Variants in POFUT2 observed in about 807,000 individuals in gnomAD.
The protein encoded by POFUT2 is GDP-fucose protein O-fucosyltransferase 2.
In POFUT2, 30 loss-of-function variants were observed where a neutral mutation model predicts 55.0. That is an observed-to-expected ratio of 0.55 (90% CI 0.41 to 0.74). POFUT2 has a LOEUF of 0.74. POFUT2 is among the 30% of genes least tolerant of loss of function. The probability of loss-of-function intolerance (pLI) is 0.00; values close to 1 mark genes in which losing one functional copy is unlikely to be tolerated. For synonymous variants in POFUT2, 267 were observed against 231.1 expected (o/e 1.16, Z -1.41); for missense variants, 524 against 562.6 (o/e 0.93, Z 0.69).
In POFUT2 at chr21:45,285,431, G is replaced by C. The variant is rs1241143050; in HGVS notation, c.382+247C>G. The C allele has an allele frequency of 1.9e-6, 1 of 530,976 alleles. No individual in the cohort carries two copies. The highest frequency in any genetic ancestry group is 1.9e-5 in the African/African-American group (1 of 53,428). 32.9% of individuals were successfully genotyped at this position (530,976 alleles called of 1,614,324 possible). A position where few individuals can be genotyped will look rare whatever the true frequency, so the allele number is the denominator to read the frequency against. On this transcript the variant is annotated intron_variant, in intron 2 of 8. Transcript: ENST00000349485. The surrounding 1 kb of genome is among the most constrained non-coding windows in gnomAD (Gnocchi z 4.9). Reference sequence around the variant, plus strand: ...TGTAAGGGCGGCTCTAACTGAGGGGGCACAAAGCTCATCCACTTCAGGTCC... The same window carrying C: ...TGTAAGGGCGGCTCTAACTGAGGGGCCACAAAGCTCATCCACTTCAGGTCC...
Position 45,264,818 on chromosome 21 carries a change from A to ACTGAAAAACTTCCCAGTGCT in POFUT2, c.*644_*663dup, listed in dbSNP as rs2093139736. The ACTGAAAAACTTCCCAGTGCT allele has an allele frequency of 1.3e-5, 2 of 152,414 alleles. No homozygotes were observed. The highest frequency in any genetic ancestry group is 2.9e-5 in the Non-Finnish European group (2 of 68,212). The allele number at this position is 152,414 out of a possible 1,614,324, so 9.4% of individuals were successfully genotyped here. ...ATCCACTGAGTGCCCCAGAGACGTCACTGAAAAACTTCCCAGTGCTCTGAC... is the reference window on the plus strand; with the variant it reads ...ATCCACTGAGTGCCCCAGAGACGTCACTGAAAAACTTCCCAGTGCTCTGAAAAACTTCCCAGTGCTCTGAC... On this transcript the variant is annotated 3_prime_UTR_variant, in exon 9 of 9. Transcript: ENST00000349485.
chr21:45,268,617 G>A (rs1395902426), intron 7 of POFUT2, among the ~76,000 whole-genome samples: 1 of 151,276 alleles, frequency 6.6e-6, no homozygotes, highest in Non-Finnish European at 1.5e-5. Context: ...GAGATGTGGG[G>A]AGCGCCTCTG....
chr21:45,284,606 C>T lies in POFUT2; in HGVS notation c.382+1072G>A, dbSNP rs924308645. Among the ~76,000 whole-genome samples the T allele has an allele frequency of 6.6e-6, 1 of 152,220 alleles. No homozygotes were observed. The highest frequency in any genetic ancestry group is 6.5e-5 in the Admixed American group (1 of 15,278). ...CTGTCTTCCCAGACCTTCCCAAGCA[C>T]TTGGATGCCCAAGGCCCAGACCTGT... On this transcript the variant is annotated intron_variant, in intron 2 of 8. Coordinates refer to ENST00000349485, the MANE Select transcript of POFUT2 (RefSeq NM_133635.6). The surrounding 1 kb of genome is among the most constrained non-coding windows in gnomAD (Gnocchi z 5.8).
intron 7 of POFUT2, among the ~76,000 whole-genome samples, chr21:45,269,550 G>A (rs1438894698): frequency 1.3e-5 from 2 of 152,178 alleles, no homozygotes; most frequent in Non-Finnish European, 2.9e-5. Context: ...GATTAAGGGC[G>A]GTACAAGATG....
At chr21:45,276,982 C>T (rs368085503) in intron 6 of POFUT2, 35 bp downstream of exon 6, 1 of 1,610,028 alleles carries the variant, frequency 6.2e-7, no homozygotes, top group Non-Finnish European at 8.5e-7. Flanking sequence ...AGAGACTTTA[C>T]CTTTTCTCTA....
chr21:45,283,043 C>T (rs1271851462), intron 3 of POFUT2: 6 of 401,784 alleles, frequency 1.5e-5, no homozygotes, highest in Admixed American at 8.5e-5. Flanking sequence ...CAAAGGGGAA[C>T]CGCCTGTCAA....
intron 1 of POFUT2, among the ~76,000 whole-genome samples, chr21:45,286,693 CACAGACAAGTCCCCAAGGGCT>C (rs1485708237): frequency 2.3e-4 from 35 of 151,934 alleles, no homozygotes; most frequent in South Asian, 4.1e-4. Flanking sequence ...GTCCCCAAGG[CACAGACAAGTCCCCAAGGGCT>C]ACAGAAACCC....
In POFUT2 at chr21:45,282,201, C is replaced by A. The variant is rs566540421; in HGVS notation, c.638+148G>T. The A allele has an allele frequency of 1.3e-5, 8 of 626,342 alleles. No individual in the cohort carries two copies. The highest frequency in any genetic ancestry group is 2.0e-5 in the Non-Finnish European group (7 of 355,322). The allele number at this position is 626,342 out of a possible 1,614,324, so 38.8% of individuals were successfully genotyped here. A position where few individuals can be genotyped will look rare whatever the true frequency, so the allele number is the denominator to read the frequency against. On this transcript the variant is annotated intron_variant, in intron 4 of 8. Transcript: ENST00000349485. The surrounding 1 kb of genome is among the most constrained non-coding windows in gnomAD (Gnocchi z 4.6). ...GAGACACATGCAAGCACTTCCCTAA[C>A]CACCACCCCCCAGGGCCCCCAGGGT... is the stretch of plus-strand genomic sequence containing the variant.
chr21:45,265,915 C>A lies in POFUT2; in HGVS notation c.1137-280G>T. The A allele has an allele frequency of 8.5e-6, 11 of 1,296,880 alleles. No homozygotes were observed. The highest frequency in any genetic ancestry group is 9.9e-6 in the Non-Finnish European group (10 of 1,010,968). 80.3% of individuals were successfully genotyped at this position (1,296,880 alleles called of 1,614,324 possible). ...CCACGCTCCTGTCCCACCGCATGTC[C>A]CCCTGGGAGCCCTCCTCTCCGTCAC... On this transcript the variant is annotated intron_variant, in intron 8 of 8. Coordinates refer to ENST00000349485, the MANE Select transcript of POFUT2 (RefSeq NM_133635.6). This position sits in a 1 kb window ranked among gnomAD's most constrained non-coding sequence, Gnocchi z 4.6.
At chr21:45,276,700 G>C (rs1467487589) in intron 6 of POFUT2, among the ~76,000 whole-genome samples, 2 of 152,180 alleles carry the variant, frequency 1.3e-5, no homozygotes, top group African/African-American at 4.8e-5. Context: ...ACCACCTCGA[G>C]CTCCTGCTTC....
Position 45,287,797 on chromosome 21 carries a change from C to A in POFUT2, c.75G>T (p.Glu25Asp), listed in dbSNP as rs1297472917. 2 of 1,516,850 alleles carry A rather than the reference C, an allele frequency of 1.3e-6. No homozygotes were observed. The highest frequency in any genetic ancestry group is 1.8e-6 in the Non-Finnish European group (2 of 1,129,020). 94.0% of individuals were successfully genotyped at this position (1,516,850 alleles called of 1,614,324 possible). ...CGGCCGCCGATTGTCCGGGCCAGAA[C>A]TCCTGGCCGGAGGCAGAAGCCGGAG... Reference protein sequence around the residue: ...SWPPASASGQEFWPGQSAADI... With the variant: ...SWPPASASGQDFWPGQSAADI... The change falls in exon 1 of 9, where the codon GAG (glutamate) becomes GAT (aspartate). Residue 25 changes from glutamate to aspartate, a missense_variant. By Grantham distance (45) the Glu-to-Asp change is conservative (BLOSUM62 2). Around this residue, in one of 2 missense-constraint regions of POFUT2, gnomAD observed 274 missense variants for 244.4 expected, o/e 1.12. Coordinates refer to ENST00000349485, the MANE Select transcript of POFUT2 (RefSeq NM_133635.6).
In POFUT2 at chr21:45,282,212, C is replaced by T; in HGVS notation, c.638+137G>A. 1 of 643,190 alleles carries T rather than the reference C, an allele frequency of 1.6e-6. No homozygotes were observed. Among genetic ancestry groups the T allele is most frequent in the East Asian group, 2.7e-5 (1 of 37,402 alleles). The allele number at this position is 643,190 out of a possible 1,614,324, so 39.8% of individuals were successfully genotyped here. A position where few individuals can be genotyped will look rare whatever the true frequency, so the allele number is the denominator to read the frequency against. ...AAGCACTTCCCTAACCACCACCCCC[C>T]AGGGCCCCCAGGGTCCGCTGTCTGT... On this transcript the variant is annotated intron_variant, in intron 4 of 8. Transcript: ENST00000349485. The surrounding 1 kb of genome is among the most constrained non-coding windows in gnomAD (Gnocchi z 4.6).
In POFUT2 at chr21:45,286,163, G is replaced by T. The variant is rs529928981; in HGVS notation, c.132-235C>A. On this transcript the variant is annotated intron_variant, in intron 1 of 8. Transcript: ENST00000349485. ...CAATTAGCAATAGTTCAACACTAAG[G>T]CAGAGGAATCCCAGTGACTGGAACC... 5.9e-5 allele frequency among the ~76,000 whole-genome samples: 9 copies of T among 152,302 alleles called. No homozygotes were observed. The East Asian group carries it at 1.7e-3, about 29-fold the overall frequency.
At chr21:45,286,025 G>A (rs1405777873) in intron 1 of POFUT2, 97 bp from the exon 2 acceptor site, 1 of 1,087,104 alleles carries the variant, frequency 9.2e-7, no homozygotes, top group Non-Finnish European at 1.3e-6. Flanking sequence ...CCCGACTCTA[G>A]GCACTTAACA....
Position 45,282,590 on chromosome 21 carries a change from T to C in POFUT2, c.528-131A>G, listed in dbSNP as rs1602221993. Reference sequence around the variant, plus strand: ...CGGCTGCTTTAGGAAAACTTACTGATCGTGACTGCAGATCGTGACATTCTA... The same window carrying C: ...CGGCTGCTTTAGGAAAACTTACTGACCGTGACTGCAGATCGTGACATTCTA... On this transcript the variant is annotated intron_variant, in intron 3 of 8. Transcript: ENST00000349485. The surrounding 1 kb of genome is among the most constrained non-coding windows in gnomAD (Gnocchi z 4.6). 1.5e-6 allele frequency: 1 copy of C among 688,224 alleles called. No individual in the cohort carries two copies. The highest frequency in any genetic ancestry group is 2.7e-5 in the East Asian group (1 of 37,098). The allele number at this position is 688,224 out of a possible 1,614,324, so 42.6% of individuals were successfully genotyped here. A position where few individuals can be genotyped will look rare whatever the true frequency, so the allele number is the denominator to read the frequency against.
chr21:45,286,892 C>T (rs1409734548), intron 1 of POFUT2, among the ~76,000 whole-genome samples: 1 of 152,206 alleles, frequency 6.6e-6, no homozygotes. Context: ...AGCCACAGGG[C>T]GGCCGCGAAG....
intron 3 of POFUT2, 62 bp downstream of exon 3, chr21:45,283,320 GA>G (rs1421315156): frequency 5.2e-4 from 418 of 798,542 alleles, no homozygotes; most frequent in South Asian, 1.4e-3. Context: ...GGGGGGGGGG[GA>G]CGCATGCGGC....
At position 45,282,542 on chromosome 21, in the gene POFUT2, T is replaced by C. The variant is rs571073812; in HGVS notation, c.528-83A>G. 3 of 791,350 alleles carry C rather than the reference T, an allele frequency of 3.8e-6. No homozygotes were observed. The highest frequency in any genetic ancestry group is 1.7e-5 in the African/African-American group (1 of 58,518). 49.0% of individuals were successfully genotyped at this position (791,350 alleles called of 1,614,324 possible). A position where few individuals can be genotyped will look rare whatever the true frequency, so the allele number is the denominator to read the frequency against. ...AAATCAAGTCTAGACACGCACACAC[T>C]GTGGCTTGCTCCTGATGAAACGCGG... On this transcript the variant is annotated intron_variant, in intron 3 of 8. Coordinates refer to ENST00000349485, the MANE Select transcript of POFUT2 (RefSeq NM_133635.6). The surrounding 1 kb of genome is among the most constrained non-coding windows in gnomAD (Gnocchi z 4.6).
Position 45,285,711 on chromosome 21 carries a change from TG to T in POFUT2, c.348del (p.Asn116LysfsTer73). ...EFFDLPSLNK[N>X]IPVIEYEQFI... ...AACTGCTCATACTCGATGACGGGGA[TG>T]TTTTTATTGAGACTTGGAAGATCAA... On this transcript the variant is annotated frameshift_variant, in exon 2 of 9. Transcript: ENST00000349485. LOFTEE classifies it high-confidence loss of function. The surrounding 1 kb of genome is among the most constrained non-coding windows in gnomAD (Gnocchi z 4.9). 1 of 1,613,886 alleles carries T rather than the reference TG, an allele frequency of 6.2e-7. No homozygotes were observed. The highest frequency in any genetic ancestry group is 1.1e-5 in the South Asian group (1 of 91,084).
Sources: gnomAD v4.1 joint callset for allele counts (sites outside exome capture counted in the v4.1 genomes callset) on GRCh38, gnomAD v4.1.1 for gene constraint, gnomAD v4.1.1 regional missense constraint, Gnocchi (gnomAD v3.1) non-coding constraint, MANE v1.5 for transcripts, NCBI Gene and HGNC (gene_info 2026-07-23, HGNC 2026-07-21) for gene names.